The following ZNF148 variants were observed in gnomAD, a reference collection of about 807,000 sequenced individuals.
ZNF148 encodes Beta-Enolase Repressor Factor-1.
ZNF148 carries 7 observed loss-of-function variants against 67.7 expected under a neutral mutation model. The ratio of observed to expected loss-of-function variants is 0.10; its 90% confidence interval spans 0.06 to 0.19. The LOEUF (loss-of-function observed/expected upper bound fraction) is 0.19. Ranked by LOEUF, ZNF148 falls within the 10% of genes least tolerant of loss-of-function variation. The pLI is 1.00. For missense variants in ZNF148, 583 were observed against 947.1 expected, an observed-to-expected ratio of 0.62 and a Z score of 5.05; for synonymous variants, 333 against 330.7, an observed-to-expected ratio of 1.01 and a Z score of -0.08.
At chr3:125,365,873 T>G (rs1321079031) in intron 1 of ZNF148, among the ~76,000 whole-genome samples, 1 of 152,188 alleles carries the variant, frequency 6.6e-6, no homozygotes, top group African/African-American at 2.4e-5. Flanking sequence ...CATCTTCCCC[T>G]CTTCCCTACC....
intron 1 of ZNF148, among the ~76,000 whole-genome samples, chr3:125,359,781 A>C (rs1275664795): frequency 6.6e-6 from 1 of 152,062 alleles, no homozygotes; most frequent in Non-Finnish European, 1.5e-5. Flanking sequence ...GAGAAAGAAT[A>C]GGTTTCTGAC....
At chr3:125,330,696 CAGA>C (rs1279407133) in intron 2 of ZNF148, among the ~76,000 whole-genome samples, 4 of 151,874 alleles carry the variant, frequency 2.6e-5, no homozygotes, top group African/African-American at 7.3e-5. Flanking sequence ...ATACAACAAA[CAGA>C]AGAATTTTTA....
At chr3:125,246,176 T>C (rs1336406519) in intron 7 of ZNF148, among the ~76,000 whole-genome samples, 1 of 152,310 alleles carries the variant, frequency 6.6e-6, no homozygotes, top group Non-Finnish European at 1.5e-5. Flanking sequence ...TATGTGAAAA[T>C]TATTTTAATA....
rs747363908 is a variant in ZNF148, at chr3:125,257,558, TAAAAAAA to T, written c.667+20161_667+20167del. Among the ~76,000 whole-genome samples, 3 of 92,350 alleles carry T rather than the reference TAAAAAAA, an allele frequency of 3.2e-5. No homozygotes were observed. In the Admixed American group the frequency reaches 3.8e-4, roughly 12 times the overall value. 60.6% of individuals were successfully genotyped at this position (92,350 alleles called of 152,430 possible). On this transcript the variant is annotated intron_variant, in intron 7 of 8. Coordinates refer to ENST00000360647, the MANE Select transcript of ZNF148 (RefSeq NM_021964.3). ...CGACAGAGCGAGACTCCGTCTCTAT[TAAAAAAA>T]AAAAAAAAAAAAAAAAGTTCACCCT...
intron 4 of ZNF148, among the ~76,000 whole-genome samples, chr3:125,312,461 T>C (rs1382909039): frequency 1.3e-5 from 2 of 152,214 alleles, no homozygotes; most frequent in East Asian, 1.9e-4. Context: ...CCTGTCCTTA[T>C]GGAGTCTACA....
chr3:125,340,883 GAGGCTGAGGC>G (rs1188224924), intron 1 of ZNF148, among the ~76,000 whole-genome samples: 2 of 150,096 alleles, frequency 1.3e-5, no homozygotes, highest in Admixed American at 1.3e-4. Context: ...AGCTACTTGG[GAGGCTGAGGC>G]AGGAGAATGG....
At chr3:125,237,497 G>A (rs573607361) in intron 7 of ZNF148, among the ~76,000 whole-genome samples, 6 of 152,116 alleles carry the variant, frequency 3.9e-5, no homozygotes, top group Admixed American at 2.6e-4. Flanking sequence ...TGGAAGGATC[G>A]TTCAAGCCTG....
intron 1 of ZNF148, among the ~76,000 whole-genome samples, chr3:125,342,246 C>T (rs2107737401): frequency 1.3e-5 from 2 of 151,676 alleles, no homozygotes; most frequent in Middle Eastern, 6.8e-3. Context: ...AATTTAGGAA[C>T]ACTAACTTGC....
rs892577319 is a variant in ZNF148 at position 125,226,772 on chromosome 3, G to A, written c.*5569C>T. On this transcript the variant is annotated 3_prime_UTR_variant, in exon 9 of 9. Coordinates refer to ENST00000360647, the MANE Select transcript of ZNF148 (RefSeq NM_021964.3). ...AATTGTTTAAAAACAATTCTATTTG[G>A]AGAGCAAAATATTTTAAAATATATC... The A allele has an allele frequency of 2.0e-5, 3 of 152,480 alleles. No individual in the cohort carries two copies. Among genetic ancestry groups the A allele is most frequent in the African/African-American group, 7.2e-5 (3 of 41,424 alleles). 9.4% of individuals were successfully genotyped at this position (152,480 alleles called of 1,614,324 possible).
intron 1 of ZNF148, among the ~76,000 whole-genome samples, chr3:125,342,356 CA>C (rs759027099): frequency 3.6e-5 from 2 of 55,340 alleles, no homozygotes; most frequent in Non-Finnish European, 6.7e-5. Flanking sequence ...AAAAAAAAGA[CA>C]AAAAAAAAAC....
intron 2 of ZNF148, among the ~76,000 whole-genome samples, chr3:125,329,334 TATATATAAAATTTTAC>T (rs11274143): frequency 0.5 from 63,228 of 125,614 alleles, 14,585 homozygotes; most frequent in African/African-American, 0.6. Flanking sequence ...ATTTTTTATA[TATATATAAAATTTTAC>T]ATATATAAAA....
intron 1 of ZNF148, among the ~76,000 whole-genome samples, 157 bp from the exon 2 acceptor site, chr3:125,331,395 T>C (rs1941285499): frequency 2.0e-5 from 3 of 152,222 alleles, no homozygotes; most frequent in Admixed American, 6.5e-5. Flanking sequence ...TAGTAACAAC[T>C]AACACTTAGT....
intron 3 of ZNF148, among the ~76,000 whole-genome samples, chr3:125,317,460 G>A (rs1940556194): frequency 6.6e-6 from 1 of 151,688 alleles, no homozygotes; most frequent in African/African-American, 2.4e-5. Flanking sequence ...CCCTTCAATG[G>A]GAAAAGACTG....
At chr3:125,307,276 A>T (rs950408331) in intron 4 of ZNF148, among the ~76,000 whole-genome samples, 5 of 151,854 alleles carry the variant, frequency 3.3e-5, no homozygotes, top group African/African-American at 7.3e-5. Context: ...GATGCAGAAG[A>T]AGTACTTGAT....
At chr3:125,358,296 G>A (rs1399907150) in intron 1 of ZNF148, among the ~76,000 whole-genome samples, 3 of 151,800 alleles carry the variant, frequency 2.0e-5, no homozygotes, top group South Asian at 4.2e-4. Flanking sequence ...CTGGGCAACA[G>A]AGCAAGATGC....
intron 4 of ZNF148, among the ~76,000 whole-genome samples, chr3:125,302,380 A>T (rs2107652209): frequency 6.6e-6 from 1 of 151,610 alleles, no homozygotes; most frequent in East Asian, 1.9e-4. Flanking sequence ...CCTGTCTCAA[A>T]AAAAAAAAAG....
At chr3:125,351,990 A>C (rs1579879250) in intron 1 of ZNF148, among the ~76,000 whole-genome samples, 1 of 152,334 alleles carries the variant, frequency 6.6e-6, no homozygotes, top group South Asian at 2.1e-4. Flanking sequence ...GAAGTTACTC[A>C]AATGGTTAAA....
At chr3:125,369,575 G>C (rs1029776997) in intron 1 of ZNF148, among the ~76,000 whole-genome samples, 1 of 151,542 alleles carries the variant, frequency 6.6e-6, no homozygotes, top group African/African-American at 2.4e-5. Flanking sequence ...AAAACATTCT[G>C]AACACTGCTA....
chr3:125,303,366 C>T lies in ZNF148; in HGVS notation c.333+9942G>A, dbSNP rs551063348. Among the ~76,000 whole-genome samples, 92 of 152,228 alleles carry T rather than the reference C, an allele frequency of 6.0e-4. 1 individual carries two copies. The highest frequency in any genetic ancestry group is 6.5e-4 in the Admixed American group (10 of 15,284). Reference sequence around the variant, plus strand: ...CCCAGGCCGTGGACCAGCACCAAGCCGTGACCTGTTAGGAACCCGGCTGCA... The same window carrying T: ...CCCAGGCCGTGGACCAGCACCAAGCTGTGACCTGTTAGGAACCCGGCTGCA... On this transcript the variant is annotated intron_variant, in intron 4 of 8. Coordinates refer to ENST00000360647, the MANE Select transcript of ZNF148 (RefSeq NM_021964.3).
Sources: allele counts gnomAD v4.1 joint callset (sites outside exome capture counted in the v4.1 genomes callset), GRCh38; gene constraint gnomAD v4.1.1; transcripts MANE v1.5; gene names NCBI Gene and HGNC (gene_info 2026-07-23, HGNC 2026-07-21).